Variants in DUSP13B observed in about 807,000 individuals in gnomAD.
DUSP13B encodes the protein dual specificity phosphatase 13B.
the DUSP13B span, chr10:75,108,067 G>C: frequency 6.2e-7 from 1 of 1,613,940 alleles, no homozygotes; most frequent in African/African-American, 1.3e-5. Flanking sequence ...AAATCAGGGA[G>C]GTCGTGGGCT....
chr10:75,102,080 G>A, the DUSP13B span: 229 of 661,082 alleles, frequency 3.5e-4, no homozygotes, highest in Non-Finnish European at 5.1e-4. Flanking sequence ...AGCACAGTCA[G>A]GCACCTTTCC....
chr10:75,102,428 G>A, the DUSP13B span, among the ~76,000 whole-genome samples: 2 of 151,912 alleles, frequency 1.3e-5, no homozygotes, highest in African/African-American at 4.8e-5. Flanking sequence ...GGGCGACAGG[G>A]CGAGACTCCG....
chr10:75,099,119 C>T, the DUSP13B span: 1 of 1,232,254 alleles, frequency 8.1e-7, no homozygotes, highest in Non-Finnish European at 1.0e-6. Context: ...GAGTCAGGGA[C>T]CCTGCGGAGC....
chr10:75,103,253 T>G, the DUSP13B span, among the ~76,000 whole-genome samples: 6 of 152,200 alleles, frequency 3.9e-5, no homozygotes, highest in Non-Finnish European at 8.8e-5. Flanking sequence ...AGGACCCAGG[T>G]CCGGGGCCCT....
At chr10:75,095,222 C>A in the DUSP13B span, among the ~76,000 whole-genome samples, 1 of 152,172 alleles carries the variant, frequency 6.6e-6, no homozygotes, top group South Asian at 2.1e-4. Flanking sequence ...CCCTTTCCCC[C>A]GAGTTCTGCC....
At chr10:75,108,273 C>G in the DUSP13B span, 1 of 1,526,922 alleles carries the variant, frequency 6.5e-7, no homozygotes, top group Non-Finnish European at 8.7e-7. Context: ...GAGGCTGTGC[C>G]TGGCCCCCTG....
the DUSP13B span, among the ~76,000 whole-genome samples, chr10:75,103,040 G>A: frequency 1.3e-5 from 2 of 152,174 alleles, no homozygotes; most frequent in African/African-American, 4.8e-5. Context: ...CTGAGCCCAG[G>A]AAGTCAAGGC....
At chr10:75,097,569 G>C in the DUSP13B span, 4 of 746,146 alleles carry the variant, frequency 5.4e-6, no homozygotes, top group Non-Finnish European at 5.9e-6. Context: ...TAATATAAAA[G>C]GAAAGAAACA....
the DUSP13B span, chr10:75,094,849 C>G: frequency 6.2e-7 from 1 of 1,614,128 alleles, no homozygotes; most frequent in Non-Finnish European, 8.5e-7. Flanking sequence ...GAGCGGCTTA[C>G]CCCCATGGCA....
At chr10:75,106,070 G>A in the DUSP13B span, among the ~76,000 whole-genome samples, 1 of 151,196 alleles carries the variant, frequency 6.6e-6, no homozygotes, top group African/African-American at 2.4e-5. Flanking sequence ...TTGGGATAGG[G>A]TCCGAATTTC....
At chr10:75,095,826 G>A in the DUSP13B span, 2 of 1,604,016 alleles carry the variant, frequency 1.2e-6, no homozygotes, top group Non-Finnish European at 8.5e-7. Flanking sequence ...GGTTAGGAGA[G>A]TGGAGGTAGA....
chr10:75,103,943 A>G, the DUSP13B span: 1 of 1,321,944 alleles, frequency 7.6e-7, no homozygotes, highest in Admixed American at 2.2e-5. Context: ...CGCCAGGAGG[A>G]GCCAGATGGA....
the DUSP13B span, among the ~76,000 whole-genome samples, chr10:75,103,307 C>G: frequency 6.6e-6 from 1 of 152,200 alleles, no homozygotes; most frequent in Non-Finnish European, 1.5e-5. Context: ...GGATAAAGAC[C>G]TAGAAGACTC....
the DUSP13B span, chr10:75,105,618 T>G: frequency 2.9e-5 from 44 of 1,522,846 alleles, no homozygotes; most frequent in Middle Eastern, 2.3e-4. Context: ...TCACCTGGCC[T>G]CTTCCGGCCA....
At chr10:75,106,096 CTT>C in the DUSP13B span, among the ~76,000 whole-genome samples, 1 of 109,026 alleles carries the variant, frequency 9.2e-6, no homozygotes, top group Non-Finnish European at 1.8e-5. Context: ...TCTTTTCTTT[CTT>C]TTCTTTTTTT....
chr10:75,097,700 G>C, the DUSP13B span: 31 of 1,554,072 alleles, frequency 2.0e-5, no homozygotes, highest in East Asian at 7.2e-4. Flanking sequence ...TCCTAACGTG[G>C]GTCTTACTCA....
the DUSP13B span, chr10:75,095,696 G>A: frequency 1.9e-6 from 3 of 1,614,212 alleles, no homozygotes; most frequent in Non-Finnish European, 2.5e-6. Context: ...TTCCACGGTA[G>A]AATTTGGCAC....
chr10:75,094,572 T>C, the DUSP13B span: 11 of 1,313,522 alleles, frequency 8.4e-6, no homozygotes, highest in African/African-American at 1.6e-4. Context: ...AGCCCCCACT[T>C]GCTGTTTACA....
chr10:75,108,856 A>C, the DUSP13B span, among the ~76,000 whole-genome samples: 1 of 152,144 alleles, frequency 6.6e-6, no homozygotes, highest in African/African-American at 2.4e-5. Context: ...CACTGACCTC[A>C]GCACCCCCGG....
Sources: allele counts gnomAD v4.1 joint callset (sites outside exome capture counted in the v4.1 genomes callset), GRCh38; gene constraint gnomAD v4.1.1; transcripts MANE v1.5; gene names NCBI Gene and HGNC (gene_info 2026-07-23, HGNC 2026-07-21).